Variants in NRP2 observed in about 807,000 individuals in gnomAD.
NRP2 encodes the protein neuropilin 2.
In NRP2, 52 loss-of-function variants were observed where a neutral mutation model predicts 110.4. That is an observed-to-expected ratio of 0.47 (90% CI 0.38 to 0.59). The LOEUF (loss-of-function observed/expected upper bound fraction) is 0.59. Among genes scored for constraint, NRP2 ranks in the 20% least tolerant of loss-of-function variants. The pLI, the probability that NRP2 is intolerant of heterozygous loss-of-function variation, is 0.00. For missense variants in NRP2, 1,049 were observed against 1,203.0 expected, an observed-to-expected ratio of 0.87 and a Z score of 1.89; for synonymous variants, 508 against 468.9, an observed-to-expected ratio of 1.08 and a Z score of -1.08.
rs547087755 is a variant in NRP2, at chr2:205,792,998, T to G, written c.2476+713T>G. ...AAGAATAACTGTAGACTAAGATTGATGAATTTAAGAGGAACAGTTTATAGA... is the reference window on the plus strand; with the variant it reads ...AAGAATAACTGTAGACTAAGATTGAGGAATTTAAGAGGAACAGTTTATAGA... On this transcript the variant is annotated intron_variant, in intron 16 of 16. Coordinates refer to ENST00000357785, the MANE Select transcript of NRP2 (RefSeq NM_003872.3). 8.1e-4 allele frequency among the ~76,000 whole-genome samples: 123 copies of G among 152,332 alleles called. 1 individual carries two copies. The highest frequency in any genetic ancestry group is 6.2e-3 in the South Asian group (30 of 4,828).
chr2:205,740,653 C>T lies in NRP2; in HGVS notation c.1281C>T (p.Cys427=). The T allele has an allele frequency of 1.2e-6, 2 of 1,614,134 alleles. No homozygotes were observed. Among genetic ancestry groups the T allele is most frequent in the Non-Finnish European group, 1.7e-6 (2 of 1,180,032 alleles). ...GIALRLELFG[C]RVTDAPCSNM... is the part of the protein sequence containing the mutation. Reference sequence around the variant, plus strand: ...CCCTCCGGCTGGAGCTCTTCGGCTGCCGGGTCACAGGTGAGGTGGGGGCTC... The same window carrying T: ...CCCTCCGGCTGGAGCTCTTCGGCTGTCGGGTCACAGGTGAGGTGGGGGCTC... Residue 427 remains cysteine (C), a synonymous_variant, in exon 8 of 17, where the codon TGC becomes TGT. Coordinates refer to ENST00000357785, the MANE Select transcript of NRP2 (RefSeq NM_003872.3).
intron 2 of NRP2, among the ~76,000 whole-genome samples, chr2:205,708,212 C>T (rs868282809): frequency 3.9e-5 from 6 of 152,308 alleles, no homozygotes; most frequent in African/African-American, 1.4e-4. Context: ...AACGAAAGAC[C>T]CAACACTCAT....
At chr2:205,685,555 G>A (rs2056130684) in intron 1 of NRP2, among the ~76,000 whole-genome samples, 1 of 152,228 alleles carries the variant, frequency 6.6e-6, no homozygotes, top group African/African-American at 2.4e-5. Flanking sequence ...CAAATAACAC[G>A]GCGGTCGCGG....
intron 11 of NRP2, among the ~76,000 whole-genome samples, chr2:205,750,279 A>T (rs2057620576): frequency 6.6e-6 from 1 of 152,172 alleles, no homozygotes; most frequent in South Asian, 2.1e-4. Context: ...ATGGAGCGCG[A>T]TAGTTGGGTT....
At chr2:205,794,727 ATC>A (rs1353076670) in intron 16 of NRP2, 25 bp from the exon 17 acceptor site, 2 of 1,612,792 alleles carry the variant, frequency 1.2e-6, no homozygotes, top group Admixed American at 3.3e-5. Flanking sequence ...AGTGCCTGCA[ATC>A]TCTCATGAAT....
At chr2:205,687,585 T>C (rs570665275) in intron 1 of NRP2, among the ~76,000 whole-genome samples, 82 of 152,302 alleles carry the variant, frequency 5.4e-4, no homozygotes, top group Non-Finnish European at 1.0e-3. Context: ...GGTGGAATTG[T>C]GAATGCGCCA....
rs973939086 is a variant in NRP2 at position 205,796,832 on chromosome 2, T to C, written c.*1774T>C. On this transcript the variant is annotated 3_prime_UTR_variant, in exon 17 of 17. Coordinates refer to ENST00000357785, the MANE Select transcript of NRP2 (RefSeq NM_003872.3). ...AACTCAACCAGTATGCCCAGCCTAT[T>C]GCATATCATTGTCAGACCATTTTTG... 6.5e-6 allele frequency: 1 copy of C among 152,684 alleles called. No individual in the cohort carries two copies. The allele number at this position is 152,684 out of a possible 1,614,324, so 9.5% of individuals were successfully genotyped here. A position where few individuals can be genotyped will look rare whatever the true frequency, so the allele number is the denominator to read the frequency against.
In NRP2 at chr2:205,726,003, G is replaced by A; in HGVS notation, c.911G>A (p.Trp304Ter). The A allele has an allele frequency of 6.2e-7, 1 of 1,614,120 alleles. No homozygotes were observed. Among genetic ancestry groups the A allele is most frequent in the Non-Finnish European group, 8.5e-7 (1 of 1,180,000 alleles). The stretch of plus-strand genomic sequence containing the variant: ...TCATCTACCTACTCTGATGGGAGGT[G>A]GACCCCTCAACAAAGCCGGCTCCAT... ...SASSTYSDGR[W>*]TPQQSRLHGD... The change falls in exon 6 of 17, where the codon TGG becomes TAG. Residue 304 changes from tryptophan to a stop codon, truncating the protein, a stop_gained. Coordinates refer to ENST00000357785, the MANE Select transcript of NRP2 (RefSeq NM_003872.3). LOFTEE classifies it high-confidence loss of function.
At chr2:205,702,841 T>G (rs2056589137) in intron 2 of NRP2, among the ~76,000 whole-genome samples, 2 of 152,150 alleles carry the variant, frequency 1.3e-5, no homozygotes, top group South Asian at 4.2e-4. Flanking sequence ...GCTCCAGCCC[T>G]CCTTTCCCTC....
chr2:205,791,585 T>G (rs533696371), intron 15 of NRP2, among the ~76,000 whole-genome samples: 4 of 152,330 alleles, frequency 2.6e-5, no homozygotes, highest in South Asian at 2.1e-4. Context: ...TAAATTAACT[T>G]AGCCTGGCTA....
chr2:205,700,492 G>A lies in NRP2; in HGVS notation c.251+2771G>A, dbSNP rs879140985. ...AGCACACCCAACCTCGTGTTTGCCCGGGTTCTTCCTACGTGCAGGGTTAAC... is the reference window on the plus strand; with the variant it reads ...AGCACACCCAACCTCGTGTTTGCCCAGGTTCTTCCTACGTGCAGGGTTAAC... On this transcript the variant is annotated intron_variant, in intron 2 of 16. Transcript: ENST00000357785. 6.6e-5 allele frequency among the ~76,000 whole-genome samples: 10 copies of A among 152,172 alleles called. No homozygotes were observed. In the East Asian group the frequency reaches 1.9e-3, roughly 29 times the overall value.
intron 2 of NRP2, among the ~76,000 whole-genome samples, chr2:205,708,105 A>T (rs2056720692): frequency 6.6e-6 from 1 of 151,918 alleles, no homozygotes; most frequent in African/African-American, 2.4e-5. Context: ...ATTGTGGACT[A>T]CTCTTCCTTT....
chr2:205,766,983 A>T, intron 15 of NRP2, 180 bp downstream of exon 15: 1 of 641,018 alleles, frequency 1.6e-6, no homozygotes, highest in South Asian at 1.8e-5. Context: ...CGGGAAGGGG[A>T]TTGAGAGCCT....
At chr2:205,757,622 A>G (rs1479748820) in intron 12 of NRP2, among the ~76,000 whole-genome samples, 1 of 152,194 alleles carries the variant, frequency 6.6e-6, no homozygotes, top group Non-Finnish European at 1.5e-5. Flanking sequence ...GCAGCAAACA[A>G]TCCATTGAAT....
intron 8 of NRP2, among the ~76,000 whole-genome samples, chr2:205,741,524 G>A (rs1575611722): frequency 6.6e-6 from 1 of 152,218 alleles, no homozygotes; most frequent in African/African-American, 2.4e-5. Context: ...TGGGAGTTGG[G>A]ACATTATAGG....
Position 205,696,035 on chromosome 2 carries a change from C to T in NRP2, c.74-1509C>T, listed in dbSNP as rs1274973932. Among the ~76,000 whole-genome samples, 4 of 152,118 alleles carry T rather than the reference C, an allele frequency of 2.6e-5. No individual in the cohort carries two copies. The East Asian group carries it at 7.7e-4, about 29-fold the overall frequency. ...GAAACGGCTGCTTTTGTTTTCCACC[C>T]AGTAGGAAATGGACCTGAATTCATT... is the stretch of plus-strand genomic sequence containing the variant. On this transcript the variant is annotated intron_variant, in intron 1 of 16. Coordinates refer to ENST00000357785, the MANE Select transcript of NRP2 (RefSeq NM_003872.3).
intron 15 of NRP2, chr2:205,777,749 G>A (rs1371200752): frequency 1.3e-5 from 2 of 152,182 alleles, no homozygotes; most frequent in Non-Finnish European, 2.9e-5. Context: ...TGAATCTATA[G>A]CCGCTAAAAT....
At chr2:205,726,335 T>C (rs2057128007) in intron 6 of NRP2, among the ~76,000 whole-genome samples, 1 of 152,190 alleles carries the variant, frequency 6.6e-6, no homozygotes, top group African/African-American at 2.4e-5. Flanking sequence ...TTGGCCAGGA[T>C]GCTGTTTGCC....
chr2:205,764,791 C>T (rs1417411094), intron 13 of NRP2, among the ~76,000 whole-genome samples: 1 of 152,208 alleles, frequency 6.6e-6, no homozygotes, highest in Admixed American at 6.5e-5. Context: ...TCCCCACCCC[C>T]ATCTGGGTTC....
Sources: gnomAD v4.1 joint callset for allele counts (sites outside exome capture counted in the v4.1 genomes callset) on GRCh38, gnomAD v4.1.1 for gene constraint, MANE v1.5 for transcripts, NCBI Gene and HGNC (gene_info 2026-07-23, HGNC 2026-07-21) for gene names.